Variants in FLT1 observed in about 807,000 individuals in gnomAD.
FLT1 encodes vascular endothelial growth factor receptor 1.
In FLT1, 49 loss-of-function variants were observed where a neutral mutation model predicts 156.3. The observed-to-expected ratio is 0.31, with a 90% CI of 0.25 to 0.40. The LOEUF is 0.40. Among genes scored for constraint, FLT1 ranks in the 10% least tolerant of loss-of-function variants. FLT1 has a pLI of 1.00. For missense variants in FLT1, 1,322 were observed against 1,637.2 expected (o/e 0.81, Z 3.32); for synonymous variants, 594 against 583.8 (o/e 1.02, Z -0.25).
chr13:28,397,771 T>A lies in FLT1; in HGVS notation c.1552-703A>T, dbSNP rs531111875. ...GACCGTGTGTGTGTGTGTGTGTGTG[T>A]GTGTGTGTGTGTGTGTGTGTGTAAA... On this transcript the variant is annotated intron_variant, in intron 11 of 29. Transcript: ENST00000282397. Among the ~76,000 whole-genome samples the A allele has an allele frequency of 7.2e-5, 11 of 151,790 alleles. No individual in the cohort carries two copies. In the East Asian group the frequency reaches 1.9e-3, roughly 27 times the overall value.
intron 14 of FLT1, among the ~76,000 whole-genome samples, chr13:28,379,382 T>C (rs1314030575): frequency 1.3e-5 from 2 of 151,324 alleles, no homozygotes; most frequent in Non-Finnish European, 2.9e-5. Context: ...GAGAATAACG[T>C]AGTGAGAGGA....
intron 15 of FLT1, among the ~76,000 whole-genome samples, chr13:28,346,795 T>C (rs1872583340): frequency 6.6e-6 from 1 of 152,202 alleles, no homozygotes; most frequent in South Asian, 2.1e-4. Context: ...ATTTTCTTTT[T>C]AGAAATAATG....
chr13:28,343,192 A>G (rs1408385479), intron 16 of FLT1, among the ~76,000 whole-genome samples: 1 of 152,164 alleles, frequency 6.6e-6, no homozygotes, highest in Non-Finnish European at 1.5e-5. Context: ...CATGTTGGCC[A>G]GGCTGGTCTT....
At position 28,397,040 on chromosome 13, in the gene FLT1, G is replaced by A; in HGVS notation, c.1580C>T (p.Ser527Phe). Residue 527 changes from serine to phenylalanine, a missense_variant, in exon 12 of 30, where the codon TCT becomes TTT. Around this residue, in one of 3 missense-constraint regions of FLT1, gnomAD observed 991 missense variants for 1,254.8 expected, o/e 0.79. Transcript: ENST00000282397. ...KMASTLVVAD[S>F]RISGIYICIA... Reference sequence around the variant, plus strand: ...GCAAATGTAGATTCCAGAAATTCTAGAGTCAGCCACAACCAAGGTGCTAGC... The same window carrying A: ...GCAAATGTAGATTCCAGAAATTCTAAAGTCAGCCACAACCAAGGTGCTAGC... The A allele has an allele frequency of 6.2e-7, 1 of 1,613,650 alleles. No homozygotes were observed.
rs186670448 is a variant in FLT1, at chr13:28,448,404, T to C, written c.389-10059A>G. Among the ~76,000 whole-genome samples the C allele has an allele frequency of 2.3e-4, 35 of 152,322 alleles. No homozygotes were observed. In the East Asian group the frequency reaches 6.2e-3, roughly 27 times the overall value. Reference sequence around the variant, plus strand: ...GGATAGCTAAAATGTGATATGTCCATACAATGGAATATTACTCAGAAATAG... The same window carrying C: ...GGATAGCTAAAATGTGATATGTCCACACAATGGAATATTACTCAGAAATAG... On this transcript the variant is annotated intron_variant, in intron 3 of 29. Coordinates refer to ENST00000282397, the MANE Select transcript of FLT1 (RefSeq NM_002019.4).
intron 10 of FLT1, among the ~76,000 whole-genome samples, chr13:28,412,456 G>C (rs1249719195): frequency 6.9e-6 from 1 of 145,052 alleles, no homozygotes; most frequent in Non-Finnish European, 1.5e-5. Context: ...GGGTCTCACT[G>C]TGTTCCTCAG....
intron 14 of FLT1, among the ~76,000 whole-genome samples, chr13:28,376,096 AG>A (rs1873827745): frequency 6.6e-6 from 1 of 152,168 alleles, no homozygotes; most frequent in South Asian, 2.1e-4. Context: ...TCCTGGATCT[AG>A]TCAAATCACT....
At chr13:28,378,350 A>C (rs932694098) in intron 14 of FLT1, among the ~76,000 whole-genome samples, 19 of 152,134 alleles carry the variant, frequency 1.2e-4, no homozygotes, top group Admixed American at 2.6e-4. Flanking sequence ...CCTGACCGAG[A>C]CTTAATCTTT....
At chr13:28,375,487 A>G (rs1444675723) in intron 14 of FLT1, among the ~76,000 whole-genome samples, 1 of 152,068 alleles carries the variant, frequency 6.6e-6, no homozygotes, top group Non-Finnish European at 1.5e-5. Flanking sequence ...TCAACAGGTT[A>G]GTTTTCGCAT....
chr13:28,323,760 T>C (rs1444919917), intron 20 of FLT1, among the ~76,000 whole-genome samples: 1 of 152,058 alleles, frequency 6.6e-6, no homozygotes, highest in Non-Finnish European at 1.5e-5. Context: ...ATGACATCAC[T>C]GAGAGGAAAG....
chr13:28,407,230 T>C, intron 10 of FLT1, among the ~76,000 whole-genome samples: 1 of 152,158 alleles, frequency 6.6e-6, no homozygotes, highest in East Asian at 1.9e-4. Flanking sequence ...TTGTTTTTGC[T>C]AAGAGTTTCT....
At chr13:28,398,920 A>C in intron 11 of FLT1, 1 of 691,092 alleles carries the variant, frequency 1.4e-6, no homozygotes, top group Non-Finnish European at 2.6e-6. Context: ...ATCCATGGGA[A>C]AGTGTACGAA....
At chr13:28,315,328 G>T (rs1032329336) in intron 25 of FLT1, among the ~76,000 whole-genome samples, 9 of 152,252 alleles carry the variant, frequency 5.9e-5, no homozygotes, top group Non-Finnish European at 1.2e-4. Flanking sequence ...GCCAAGGCCA[G>T]TGGATCACTT....
chr13:28,431,072 G>T, intron 7 of FLT1, 64 bp downstream of exon 7: 2 of 1,394,200 alleles, frequency 1.4e-6, no homozygotes, highest in Non-Finnish European at 2.0e-6. Flanking sequence ...CTTATTTAGA[G>T]AACACAGACA....
chr13:28,471,550 G>A (rs1880181946), intron 1 of FLT1, among the ~76,000 whole-genome samples: 1 of 152,160 alleles, frequency 6.6e-6, no homozygotes, highest in Admixed American at 6.5e-5. Flanking sequence ...TATAAAGATA[G>A]ATGTGTATGT....
chr13:28,376,623 A>G (rs1011063241), intron 14 of FLT1, among the ~76,000 whole-genome samples: 1 of 152,184 alleles, frequency 6.6e-6, no homozygotes, highest in Non-Finnish European at 1.5e-5. Context: ...TAAACTAGAT[A>G]GGCCTTCTGC....
intron 14 of FLT1, among the ~76,000 whole-genome samples, chr13:28,364,302 T>A (rs1376787837): frequency 1.3e-5 from 2 of 152,206 alleles, no homozygotes; most frequent in African/African-American, 2.4e-5. Flanking sequence ...AGCCTTGAAC[T>A]CTTGGGCTCA....
intron 8 of FLT1, among the ~76,000 whole-genome samples, chr13:28,428,407 C>T (rs1469470461): frequency 1.3e-5 from 2 of 151,908 alleles, no homozygotes; most frequent in African/African-American, 4.8e-5. Context: ...CCAGTTGTCC[C>T]TTTCATAAAC....
In FLT1 at chr13:28,467,768, A is replaced by C. The variant is rs1258090967; in HGVS notation, c.65-151T>G. 1.0e-5 allele frequency: 6 copies of C among 599,544 alleles called. No homozygotes were observed. In the African/African-American group the frequency reaches 1.1e-4, roughly 11 times the overall value. The allele number at this position is 599,544 out of a possible 1,614,324, so 37.1% of individuals were successfully genotyped here. ...TAATTTATAAGCAAAAGATACACTA[A>C]TACAAATTTCTCTTAATTCACAAAT... On this transcript the variant is annotated intron_variant, in intron 1 of 29. Coordinates refer to ENST00000282397, the MANE Select transcript of FLT1 (RefSeq NM_002019.4).
Sources: allele counts gnomAD v4.1 joint callset (sites outside exome capture counted in the v4.1 genomes callset), GRCh38; gene constraint gnomAD v4.1.1; regional missense constraint gnomAD v4.1.1; transcripts MANE v1.5; gene names NCBI Gene and HGNC (gene_info 2026-07-23, HGNC 2026-07-21).